Variants in SYT16 observed in about 807,000 individuals in gnomAD.
SYT16 encodes the protein synaptotagmin-16.
In SYT16, 42 loss-of-function variants were observed where a neutral mutation model predicts 61.4. That is an observed-to-expected ratio of 0.68 (90% confidence interval 0.53 to 0.89). The LOEUF is 0.89. Among genes scored for constraint, SYT16 ranks in the 40% least tolerant of loss-of-function variants. The probability of loss-of-function intolerance (pLI) is 0.00; values close to 1 mark genes in which losing one functional copy is unlikely to be tolerated. For synonymous variants in SYT16, 314 were observed against 302.3 expected (o/e 1.04, Z -0.40); for missense variants, 804 against 807.3 (o/e 1.00, Z 0.05).
At position 61,996,264 on chromosome 14, in the gene SYT16, A is replaced by T. The variant is rs187759108; in HGVS notation, c.245A>T (p.Asn82Ile). 55 of 1,613,654 alleles carry T rather than the reference A, an allele frequency of 3.4e-5. No individual in the cohort carries two copies. The highest frequency in any genetic ancestry group is 1.0e-4 in the Admixed American group (6 of 59,962). ...QDNDWSQEDA[N>I]SLFLEVDHFS... Reference sequence around the variant, plus strand: ...AATGATTGGAGTCAAGAGGATGCAAATTCCTTGTTTCTTGAAGTGGATCAT... The same window carrying T: ...AATGATTGGAGTCAAGAGGATGCAATTTCCTTGTTTCTTGAAGTGGATCAT... The change falls in exon 3 of 8, where the codon AAT (asparagine) becomes ATT (isoleucine). Residue 82 changes from asparagine (N) to isoleucine (I), a missense_variant. Coordinates refer to ENST00000683842, the MANE Select transcript of SYT16 (RefSeq NM_001367656.1).
At chr14:62,041,034 G>A (rs1225734105) in intron 3 of SYT16, among the ~76,000 whole-genome samples, 1 of 152,174 alleles carries the variant, frequency 6.6e-6, no homozygotes, top group Non-Finnish European at 1.5e-5. Flanking sequence ...AAGCCAGTCC[G>A]AGTTCGAAAG....
In SYT16 at chr14:61,875,275, C is replaced by T. The variant is rs146472763; in HGVS notation, c.-325+62465C>T. On this transcript the variant is annotated intron_variant, in intron 1 of 7. Transcript: ENST00000683842. ...TCTTATACAAAAAGGGCTGTGTCAA[C>T]CTGTATCTCCCTTCTGTGACTTTGA... Among the ~76,000 whole-genome samples the T allele has an allele frequency of 9.7e-3, 1,482 of 152,280 alleles. 9 individuals are homozygous for T. The highest frequency in any genetic ancestry group is 0.034 in the Middle Eastern group (10 of 294).
At chr14:61,912,343 C>A (rs2048967265) in intron 1 of SYT16, among the ~76,000 whole-genome samples, 1 of 152,218 alleles carries the variant, frequency 6.6e-6, no homozygotes, top group Non-Finnish European at 1.5e-5. Flanking sequence ...TGCTGTCACT[C>A]TGACAGCGTT....
At position 62,106,086 on chromosome 14, in the gene SYT16, A is replaced by G. The variant is rs999826027; in HGVS notation, c.*5379A>G. 3 of 152,204 alleles carry G rather than the reference A, an allele frequency of 2.0e-5. No individual in the cohort carries two copies. The highest frequency in any genetic ancestry group is 4.4e-5 in the Non-Finnish European group (3 of 68,034). 9.4% of individuals were successfully genotyped at this position (152,204 alleles called of 1,614,324 possible). On this transcript the variant is annotated 3_prime_UTR_variant, in exon 8 of 8. Coordinates refer to ENST00000683842, the MANE Select transcript of SYT16 (RefSeq NM_001367656.1). ...TGACCACATGGATAGATTTCAGAGC[A>G]TCCCTCTAAATCAAGTCTGGAGAAT...
chr14:61,885,379 T>TATGATG (rs61541645), intron 1 of SYT16, among the ~76,000 whole-genome samples: 38 of 151,020 alleles, frequency 2.5e-4, no homozygotes, highest in Middle Eastern at 3.4e-3. Context: ...GCATGGCAGA[T>TATGATG]ATGATGATGA....
At chr14:61,950,553 CA>C (rs1193836478) in intron 1 of SYT16, among the ~76,000 whole-genome samples, 2 of 152,174 alleles carry the variant, frequency 1.3e-5, no homozygotes, top group Admixed American at 6.5e-5. Flanking sequence ...TGTGGGCACG[CA>C]AGTGGGTGGA....
Position 62,108,248 on chromosome 14 carries a change from G to T in SYT16, c.*7541G>T, listed in dbSNP as rs550711679. 2.6e-4 allele frequency: 40 copies of T among 152,292 alleles called. No homozygotes were observed. Among genetic ancestry groups the T allele is most frequent in the African/African-American group, 8.7e-4 (36 of 41,560 alleles). 9.4% of individuals were successfully genotyped at this position (152,292 alleles called of 1,614,324 possible). On this transcript the variant is annotated 3_prime_UTR_variant, in exon 8 of 8. Transcript: ENST00000683842. ...TATTGTTTATAATTCTACTAAACAT[G>T]TCTTAGTCCACGCAAATTAACTCAA...
Position 61,859,125 on chromosome 14 carries a change from T to C in SYT16, c.-325+46315T>C, listed in dbSNP as rs566092724. 8.6e-5 allele frequency among the ~76,000 whole-genome samples: 13 copies of C among 151,996 alleles called. No individual in the cohort carries two copies. In the East Asian group the frequency reaches 2.1e-3, roughly 25 times the overall value. On this transcript the variant is annotated intron_variant, in intron 1 of 7. Coordinates refer to ENST00000683842, the MANE Select transcript of SYT16 (RefSeq NM_001367656.1). ...TCGCCCGCCTCGGCCTCCCAAAGTGTTGGGATTACAGGCGTGAGCCACCGC... is the reference window on the plus strand; with the variant it reads ...TCGCCCGCCTCGGCCTCCCAAAGTGCTGGGATTACAGGCGTGAGCCACCGC...
chr14:61,989,503 C>T (rs764904264), intron 2 of SYT16, among the ~76,000 whole-genome samples: 2 of 152,158 alleles, frequency 1.3e-5, no homozygotes, highest in Non-Finnish European at 2.9e-5. Flanking sequence ...GTGGTTGTTG[C>T]AGTGAGCCGA....
chr14:61,933,609 C>T (rs1481940735), intron 1 of SYT16, among the ~76,000 whole-genome samples: 1 of 152,110 alleles, frequency 6.6e-6, no homozygotes, highest in African/African-American at 2.4e-5. Flanking sequence ...CTCCTCTTGC[C>T]CTAGTCTCTG....
At chr14:61,915,759 A>G (rs2049099152) in intron 1 of SYT16, among the ~76,000 whole-genome samples, 1 of 152,216 alleles carries the variant, frequency 6.6e-6, no homozygotes, top group African/African-American at 2.4e-5. Context: ...TTGTCAATTG[A>G]TCTTTCTATG....
At chr14:61,816,740 G>C (rs939751256) in intron 1 of SYT16, among the ~76,000 whole-genome samples, 1 of 152,086 alleles carries the variant, frequency 6.6e-6, no homozygotes, top group South Asian at 2.1e-4. Context: ...GGCCGGGCGC[G>C]GTGGCTCACG....
intron 3 of SYT16, among the ~76,000 whole-genome samples, chr14:62,044,608 A>G (rs757112819): frequency 6.6e-6 from 1 of 152,150 alleles, no homozygotes; most frequent in Admixed American, 6.5e-5. Context: ...AGCTTCATCC[A>G]TGTCCCTGCA....
chr14:61,983,777 G>C (rs566344172), intron 2 of SYT16, among the ~76,000 whole-genome samples: 226 of 152,176 alleles, frequency 1.5e-3, no homozygotes, highest in Non-Finnish European at 2.7e-3. Context: ...GTCCTCCTAC[G>C]TTGGCCACTC....
chr14:61,840,331 G>A (rs1398294121), intron 1 of SYT16, among the ~76,000 whole-genome samples: 1 of 152,156 alleles, frequency 6.6e-6, no homozygotes, highest in African/African-American at 2.4e-5. Context: ...TTAGTTTTGG[G>A]AGACATCAGT....
Position 62,080,922 on chromosome 14 carries a change from G to C in SYT16, c.1082G>C (p.Arg361Thr). 3 of 1,607,996 alleles carry C rather than the reference G, an allele frequency of 1.9e-6. No individual in the cohort carries two copies. The highest frequency in any genetic ancestry group is 2.5e-6 in the Non-Finnish European group (3 of 1,177,188). The change falls in exon 6 of 8, where the codon AGA (arginine) becomes ACA (threonine). Residue 361 changes from arginine (R) to threonine (T), a missense_variant. Coordinates refer to ENST00000683842, the MANE Select transcript of SYT16 (RefSeq NM_001367656.1). Reference sequence around the variant, plus strand: ...GACCTAGATGTCATCTTTGAATATAGAGCCGCCAGCCAGAAGCTCACAGTG... The same window carrying C: ...GACCTAGATGTCATCTTTGAATATACAGCCGCCAGCCAGAAGCTCACAGTG... ...CGDLDVIFEY[R>T]AASQKLTVTI...
intron 1 of SYT16, among the ~76,000 whole-genome samples, chr14:61,822,328 T>A (rs1291908579): frequency 6.6e-6 from 1 of 152,182 alleles, no homozygotes; most frequent in Non-Finnish European, 1.5e-5. Flanking sequence ...ACTCCTTCTT[T>A]GTCCTCGTGG....
At chr14:62,027,597 C>T (rs986941768) in intron 3 of SYT16, among the ~76,000 whole-genome samples, 19 of 152,180 alleles carry the variant, frequency 1.2e-4, no homozygotes, top group African/African-American at 4.6e-4. Context: ...CATTGTATTT[C>T]AGTCCAGCCT....
chr14:62,050,581 T>G (rs1177588518), intron 3 of SYT16, among the ~76,000 whole-genome samples: 4 of 152,182 alleles, frequency 2.6e-5, no homozygotes, highest in South Asian at 4.1e-4. Flanking sequence ...TTCTGCTCCG[T>G]TTTTCCCCCA....
Sources: allele counts gnomAD v4.1 joint callset (sites outside exome capture counted in the v4.1 genomes callset), GRCh38; gene constraint gnomAD v4.1.1; transcripts MANE v1.5; gene names NCBI Gene and HGNC (gene_info 2026-07-23, HGNC 2026-07-21).